The following SAMD3 variants were observed in gnomAD, a reference collection of about 807,000 sequenced individuals.
SAMD3 encodes sterile alpha motif domain containing 3, also known as sterile alpha motif domain-containing protein 3.
SAMD3 carries 63 observed loss-of-function variants against 58.5 expected under a neutral mutation model. The ratio of observed to expected loss-of-function variants is 1.08; its 90% CI spans 0.88 to 1.33. The LOEUF (loss-of-function observed/expected upper bound fraction) is 1.33, where lower values mean the gene tolerates loss of function less well. SAMD3 is among the 40% of genes most tolerant of loss of function. The pLI, the probability that SAMD3 is intolerant of heterozygous loss-of-function variation, is 0.00. For synonymous variants in SAMD3, 220 were observed against 210.3 expected (o/e 1.05, Z -0.40); for missense variants, 604 against 608.4 (o/e 0.99, Z 0.08).
intron 2 of SAMD3, among the ~76,000 whole-genome samples, chr6:130,264,969 C>T (rs1396385075): frequency 6.6e-6 from 1 of 152,146 alleles, no homozygotes. Context: ...GCCCCCATGT[C>T]TAAGGGCCCT....
At chr6:130,226,985 T>A (rs1796397758), upstream of SAMD3, among the ~76,000 whole-genome samples, 1 of 152,236 alleles carries the variant, frequency 6.6e-6, no homozygotes, top group South Asian at 2.1e-4. Flanking sequence ...AAGTTTACCG[T>A]CTTAACCCTT....
chr6:130,143,072 TTGACTTCTTTTATCTC>T (rs1788356132), downstream of SAMD3: 1 of 152,228 alleles, frequency 6.6e-6, no homozygotes, highest in South Asian at 2.1e-4. Context: ...CAACTGTTCT[TTGACTTCTTTTATCTC>T]ACTGGCTTTA....
chr6:130,354,598 T>C (rs1282430925), intron 1 of SAMD3, among the ~76,000 whole-genome samples: 2 of 152,104 alleles, frequency 1.3e-5, no homozygotes, highest in African/African-American at 4.8e-5. Context: ...TCACATGTTC[T>C]CACTTATAAG....
chr6:130,204,440 C>G (rs1794900950), intron 5 of SAMD3, among the ~76,000 whole-genome samples: 1 of 152,066 alleles, frequency 6.6e-6, no homozygotes, highest in South Asian at 2.1e-4. Context: ...AACCCTCTGT[C>G]TACAAAAAAT....
intron 8 of SAMD3, among the ~76,000 whole-genome samples, chr6:130,165,990 TA>T (rs1790705916): frequency 6.6e-6 from 1 of 152,118 alleles, no homozygotes; most frequent in Admixed American, 6.5e-5. Flanking sequence ...GTCAGGACAG[TA>T]AGAGCAGGAT....
At position 130,216,597 on chromosome 6, in the gene SAMD3, T is replaced by C. The variant is rs1222321404; in HGVS notation, c.-48A>G. On this transcript the variant is annotated 5_prime_UTR_variant, in exon 2 of 12. Coordinates refer to ENST00000439090, the MANE Select transcript of SAMD3 (RefSeq NM_001017373.4). ...TTGCATATGTGACAAGCTGGAAAGA[T>C]AGTCTTCAAGAATCATTTCCTAGAA... 1.3e-5 allele frequency: 2 copies of C among 152,244 alleles called. No individual in the cohort carries two copies. The highest frequency in any genetic ancestry group is 1.9e-4 in the East Asian group (1 of 5,202). 9.4% of individuals were successfully genotyped at this position (152,244 alleles called of 1,614,324 possible). A position where few individuals can be genotyped will look rare whatever the true frequency, so the allele number is the denominator to read the frequency against.
upstream of SAMD3, among the ~76,000 whole-genome samples, chr6:130,226,283 T>C (rs1449284469): frequency 6.6e-6 from 1 of 152,234 alleles, no homozygotes; most frequent in African/African-American, 2.4e-5. Context: ...AGGGGTGTAC[T>C]TCATGAAAAT....
rs371148224 is a variant in SAMD3 at position 130,209,568 on chromosome 6, C to G, written c.310G>C (p.Glu104Gln). 1 of 1,613,810 alleles carries G rather than the reference C, an allele frequency of 6.2e-7. No individual in the cohort carries two copies. Among genetic ancestry groups the G allele is most frequent in the Admixed American group, 1.7e-5 (1 of 60,004 alleles). ...GCTGGATAGAAAGATGGCATCTGCT[C>G]CCCATGCCTGGCTGGACTGGAGGAC... ...EESSSPARHG[E>Q]QMPSFYPAEN... The change falls in exon 5 of 12, where the codon GAG becomes CAG. Residue 104 changes from glutamate to glutamine, a missense_variant. Coordinates refer to ENST00000439090, the MANE Select transcript of SAMD3 (RefSeq NM_001017373.4).
intron 2 of SAMD3, among the ~76,000 whole-genome samples, chr6:130,284,055 G>A (rs1018087115): frequency 6.6e-6 from 1 of 152,206 alleles, no homozygotes; most frequent in Middle Eastern, 3.2e-3. Flanking sequence ...GTTTTACCAT[G>A]TTGGCCAGGC....
chr6:130,295,180 C>T (rs561986652), intron 2 of SAMD3, among the ~76,000 whole-genome samples: 1 of 152,286 alleles, frequency 6.6e-6, no homozygotes, highest in Non-Finnish European at 1.5e-5. Flanking sequence ...ACCTCGGCCT[C>T]CCAAAGTGCT....
intron 1 of SAMD3, among the ~76,000 whole-genome samples, chr6:130,354,139 G>C (rs1029753920): frequency 2.6e-5 from 4 of 152,252 alleles, no homozygotes; most frequent in Middle Eastern, 3.4e-3. Context: ...TCTCACACCA[G>C]TCAGAATGGC....
At chr6:130,270,871 T>C (rs1207270673) in intron 2 of SAMD3, among the ~76,000 whole-genome samples, 1 of 152,260 alleles carries the variant, frequency 6.6e-6, no homozygotes, top group Non-Finnish European at 1.5e-5. Context: ...AAAGTAACTG[T>C]ATGAATATAT....
intron 2 of SAMD3, among the ~76,000 whole-genome samples, chr6:130,284,254 G>C (rs960451633): frequency 6.6e-6 from 1 of 152,120 alleles, no homozygotes; most frequent in Non-Finnish European, 1.5e-5. Flanking sequence ...CACTTAATAA[G>C]AAGATGAGTA....
At chr6:130,293,876 C>G (rs1044181542) in intron 2 of SAMD3, among the ~76,000 whole-genome samples, 11 of 151,900 alleles carry the variant, frequency 7.2e-5, no homozygotes, top group African/African-American at 2.2e-4. Flanking sequence ...TTTGATGTTG[C>G]GGAAGTCTTA....
chr6:130,364,864 A>G (rs1290918955), intron 1 of SAMD3, among the ~76,000 whole-genome samples: 1 of 151,668 alleles, frequency 6.6e-6, no homozygotes, highest in African/African-American at 2.4e-5. Flanking sequence ...TAATGTGGAA[A>G]TTTTTGCATG....
chr6:130,336,463 G>T (rs1252449475), intron 1 of SAMD3, among the ~76,000 whole-genome samples: 1 of 152,226 alleles, frequency 6.6e-6, no homozygotes, highest in East Asian at 1.9e-4. Flanking sequence ...TACTACAGTT[G>T]TGGAGAATAT....
chr6:130,234,924 G>C (rs569575995), intron 2 of SAMD3, among the ~76,000 whole-genome samples: 1 of 152,182 alleles, frequency 6.6e-6, no homozygotes, highest in African/African-American at 2.4e-5. Flanking sequence ...AACAGTCTGG[G>C]CAACATAGGG....
At chr6:130,364,869 T>C (rs1232082155) in intron 1 of SAMD3, among the ~76,000 whole-genome samples, 2 of 151,838 alleles carry the variant, frequency 1.3e-5, no homozygotes, top group African/African-American at 4.8e-5. Context: ...TGGAAATTTT[T>C]GCATGGCTCT....
intron 5 of SAMD3, among the ~76,000 whole-genome samples, chr6:130,206,844 G>A (rs1350390546): frequency 6.6e-6 from 1 of 152,120 alleles, no homozygotes; most frequent in East Asian, 1.9e-4. Flanking sequence ...TGTGGGGCTG[G>A]TCCTTTGATG....
Sources: allele counts gnomAD v4.1 joint callset (sites outside exome capture counted in the v4.1 genomes callset), GRCh38; gene constraint gnomAD v4.1.1; transcripts MANE v1.5; gene names NCBI Gene and HGNC (gene_info 2026-07-23, HGNC 2026-07-21).